The following GALNT13 variants were observed in gnomAD, a reference collection of about 807,000 sequenced individuals.
GALNT13 encodes the protein UDP-GalNAc:polypeptide N-acetylgalactosaminyltransferase 13.
In GALNT13, 28 loss-of-function variants were observed where a neutral mutation model predicts 64.2. The ratio of observed to expected loss-of-function variants is 0.44; its 90% CI spans 0.32 to 0.60. The LOEUF (loss-of-function observed/expected upper bound fraction) is 0.60. GALNT13 is among the 20% of genes least tolerant of loss of function. The pLI, the probability that GALNT13 is intolerant of heterozygous loss-of-function variation, is 0.05. For missense variants in GALNT13, 577 were observed against 669.8 expected (o/e 0.86, Z 1.53); for synonymous variants, 214 against 224.6 (o/e 0.95, Z 0.42).
chr2:153,808,748 C>G, the GALNT13 span, among the ~76,000 whole-genome samples: 3 of 152,264 alleles, frequency 2.0e-5, no homozygotes. Context: ...TTTTCACTGT[C>G]ATCTGCCTTA....
chr2:154,194,819 A>G (rs1686790839), intron 4 of GALNT13, among the ~76,000 whole-genome samples: 1 of 151,754 alleles, frequency 6.6e-6, no homozygotes, highest in South Asian at 2.1e-4. Flanking sequence ...AAAGTTTATA[A>G]GTAGTGTAGC....
chr2:153,826,573 C>T, the GALNT13 span, among the ~76,000 whole-genome samples: 1 of 152,264 alleles, frequency 6.6e-6, no homozygotes, highest in South Asian at 2.1e-4. Flanking sequence ...TACTTTAATC[C>T]TTATCAAGGT....
At chr2:153,411,772 A>T in the GALNT13 span, among the ~76,000 whole-genome samples, 1 of 152,200 alleles carries the variant, frequency 6.6e-6, no homozygotes, top group Non-Finnish European at 1.5e-5. Context: ...CATGGTAGAA[A>T]TGCTTTTGCC....
chr2:153,819,501 C>T, the GALNT13 span, among the ~76,000 whole-genome samples: 1 of 152,196 alleles, frequency 6.6e-6, no homozygotes, highest in Non-Finnish European at 1.5e-5. Context: ...CCACCCTTGT[C>T]AGGGCTGGTA....
At chr2:154,006,175 A>G (rs1696238118) in intron 3 of GALNT13, among the ~76,000 whole-genome samples, 1 of 152,202 alleles carries the variant, frequency 6.6e-6, no homozygotes, top group Non-Finnish European at 1.5e-5. Context: ...TTAATTACCA[A>G]AACTCATTGG....
the GALNT13 span, among the ~76,000 whole-genome samples, chr2:153,185,762 C>T: frequency 7.9e-5 from 12 of 152,160 alleles, no homozygotes; most frequent in South Asian, 2.1e-4. Flanking sequence ...TATAGTTGTG[C>T]GGTTTTGAGT....
At chr2:154,151,170 C>T (rs1683991161) in intron 4 of GALNT13, among the ~76,000 whole-genome samples, 1 of 152,122 alleles carries the variant, frequency 6.6e-6, no homozygotes, top group Non-Finnish European at 1.5e-5. Flanking sequence ...TTTATTTCTG[C>T]CTTCATTTCT....
At chr2:153,249,681 A>G in the GALNT13 span, among the ~76,000 whole-genome samples, 1 of 152,220 alleles carries the variant, frequency 6.6e-6, no homozygotes, top group Non-Finnish European at 1.5e-5. Flanking sequence ...AAACAGATAT[A>G]TAGACCAATG....
the GALNT13 span, among the ~76,000 whole-genome samples, chr2:153,407,953 T>A: frequency 6.6e-6 from 1 of 152,152 alleles, no homozygotes; most frequent in Non-Finnish European, 1.5e-5. Context: ...GTAGAGCTGG[T>A]GTCATAGCAT....
At chr2:154,432,712 C>T (rs1559151731) in intron 11 of GALNT13, among the ~76,000 whole-genome samples, 19 of 152,146 alleles carry the variant, frequency 1.2e-4, no homozygotes, top group Non-Finnish European at 1.5e-5. Flanking sequence ...TCCATCATCA[C>T]ATGGCTGTCT....
the GALNT13 span, among the ~76,000 whole-genome samples, chr2:153,335,836 T>C: frequency 6.6e-6 from 1 of 152,152 alleles, no homozygotes; most frequent in African/African-American, 2.4e-5. Context: ...GCCCCTCCCA[T>C]CACGGACCTG....
At chr2:154,193,571 A>G (rs1004361030) in intron 4 of GALNT13, among the ~76,000 whole-genome samples, 2 of 152,216 alleles carry the variant, frequency 1.3e-5, no homozygotes, top group Non-Finnish European at 2.9e-5. Context: ...TGGCCTGATC[A>G]GTGACAGCCT....
At chr2:153,572,049 A>G in the GALNT13 span, among the ~76,000 whole-genome samples, 1 of 151,970 alleles carries the variant, frequency 6.6e-6, no homozygotes, top group Non-Finnish European at 1.5e-5. Context: ...ATTTTGGTAG[A>G]ATTCAGCAGT....
At chr2:153,801,636 C>T in the GALNT13 span, among the ~76,000 whole-genome samples, 1 of 152,042 alleles carries the variant, frequency 6.6e-6, no homozygotes, top group African/African-American at 2.4e-5. Context: ...AGATCACCAT[C>T]ACAGATATAA....
the GALNT13 span, among the ~76,000 whole-genome samples, chr2:153,583,366 C>T: frequency 2.0e-4 from 31 of 152,264 alleles, no homozygotes; most frequent in African/African-American, 7.2e-4. Context: ...TTCCAGGATA[C>T]GTTATCCACT....
the GALNT13 span, among the ~76,000 whole-genome samples, chr2:153,116,775 G>A: frequency 6.7e-6 from 1 of 148,804 alleles, no homozygotes; most frequent in Non-Finnish European, 1.5e-5. Flanking sequence ...GATGCAAACA[G>A]AGATAGGTGT....
intron 4 of GALNT13, among the ~76,000 whole-genome samples, chr2:154,147,905 TG>T (rs1330853954): frequency 4.0e-5 from 6 of 151,714 alleles, no homozygotes; most frequent in African/African-American, 1.5e-4. Context: ...GCTGGGATTT[TG>T]CTTTTATTTT....
At chr2:153,751,849 A>G in the GALNT13 span, among the ~76,000 whole-genome samples, 2 of 151,816 alleles carry the variant, frequency 1.3e-5, no homozygotes, top group Non-Finnish European at 2.9e-5. Flanking sequence ...ATTTATATGT[A>G]AGAACTTACT....
At chr2:153,115,459 C>A in the GALNT13 span, among the ~76,000 whole-genome samples, 1 of 152,164 alleles carries the variant, frequency 6.6e-6, no homozygotes, top group South Asian at 2.1e-4. Flanking sequence ...AGCTTTTTCT[C>A]ATGTTTTCAC....
Sources: allele counts gnomAD v4.1 joint callset (sites outside exome capture counted in the v4.1 genomes callset), GRCh38; gene constraint gnomAD v4.1.1; transcripts MANE v1.5; gene names NCBI Gene and HGNC (gene_info 2026-07-23, HGNC 2026-07-21).